RHBG: variants seen among roughly 807,000 people sequenced by gnomAD.
The protein encoded by RHBG is ammonium transporter Rh type B.
A neutral mutation model predicts 40.1 loss-of-function variants in RHBG; 39 were observed. The observed-to-expected ratio is 0.97, with a 90% CI of 0.75 to 1.27. The LOEUF is 1.27. Ranked by LOEUF, RHBG falls within the 50% of genes most tolerant of loss-of-function variation. The pLI is 0.00. For missense variants in RHBG, 549 were observed against 588.1 expected, an observed-to-expected ratio of 0.93 and a Z score of 0.69; for synonymous variants, 237 against 252.5, an observed-to-expected ratio of 0.94 and a Z score of 0.58.
At chr1:156,374,090 A>T (rs1187448574) in intron 1 of RHBG, among the ~76,000 whole-genome samples, 4 of 152,128 alleles carry the variant, frequency 2.6e-5, no homozygotes, top group Admixed American at 1.3e-4. Context: ...AGGTGAGTGA[A>T]TGTTACTGCC....
At chr1:156,375,738 T>C (rs1667145046) in intron 1 of RHBG, among the ~76,000 whole-genome samples, 2 of 151,470 alleles carry the variant, frequency 1.3e-5, no homozygotes, top group African/African-American at 4.9e-5. Context: ...AATTTTTGTT[T>C]TCTTTTTCTT....
At chr1:156,374,735 C>T (rs1188567075) in intron 1 of RHBG, 25 of 298,186 alleles carry the variant, frequency 8.4e-5, no homozygotes, top group Admixed American at 1.5e-4. Flanking sequence ...TACAGGTACC[C>T]GCCACCACAC....
At position 156,377,099 on chromosome 1, in the gene RHBG, G is replaced by T. The variant is rs1037203849; in HGVS notation, c.188-202G>T. ...CTGACACGAGGACAGCAGGGATGTCGGGGTCCCACTGCTCCAAGCTGGCCA... is the reference window on the plus strand; with the variant it reads ...CTGACACGAGGACAGCAGGGATGTCTGGGTCCCACTGCTCCAAGCTGGCCA... On this transcript the variant is annotated intron_variant, in intron 1 of 9. Transcript: ENST00000537040. The surrounding 1 kb of genome is among the most constrained non-coding windows in gnomAD (Gnocchi z 4.6). Among the ~76,000 whole-genome samples the T allele has an allele frequency of 6.6e-6, 1 of 152,200 alleles. No homozygotes were observed. The highest frequency in any genetic ancestry group is 1.5e-5 in the Non-Finnish European group (1 of 68,014).
chr1:156,379,016 A>G (rs1444209444), intron 4 of RHBG, among the ~76,000 whole-genome samples: 1 of 145,684 alleles, frequency 6.9e-6, no homozygotes, highest in Non-Finnish European at 1.5e-5. Context: ...TTTTTTTGAG[A>G]CAGAGTCTTG....
At chr1:156,371,412 G>A (rs900403427) in intron 1 of RHBG, 9 of 302,176 alleles carry the variant, frequency 3.0e-5, no homozygotes, top group South Asian at 5.3e-5. Context: ...CACCCACCTC[G>A]GCCTCCCAAT....
chr1:156,377,865 T>G lies in RHBG; in HGVS notation c.375-125T>G, dbSNP rs1667323637. The G allele has an allele frequency of 2.2e-5, 23 of 1,038,542 alleles. No individual in the cohort carries two copies. Among genetic ancestry groups the G allele is most frequent in the Non-Finnish European group, 3.2e-5 (23 of 729,256 alleles). The allele number at this position is 1,038,542 out of a possible 1,614,324, so 64.3% of individuals were successfully genotyped here. A position where few individuals can be genotyped will look rare whatever the true frequency, so the allele number is the denominator to read the frequency against. On this transcript the variant is annotated intron_variant, in intron 2 of 9. Coordinates refer to ENST00000537040, the MANE Select transcript of RHBG (RefSeq NM_020407.5). This position sits in a 1 kb window ranked among gnomAD's most constrained non-coding sequence, Gnocchi z 4.6. The stretch of plus-strand genomic sequence containing the variant: ...CAGGGAGGAGCTTGAGCTCCTTGTC[T>G]TCTCTCCAGAACTCCAACCCCACCC...
intron 1 of RHBG, among the ~76,000 whole-genome samples, chr1:156,375,567 A>G (rs1667135532): frequency 6.6e-6 from 1 of 152,004 alleles, no homozygotes; most frequent in South Asian, 2.1e-4. Context: ...CCAGCTACTC[A>G]TGAGGCTGAG....
At chr1:156,379,082 C>T (rs750986311) in intron 4 of RHBG, among the ~76,000 whole-genome samples, 15 of 151,826 alleles carry the variant, frequency 9.9e-5, no homozygotes, top group Non-Finnish European at 1.5e-4. Context: ...ACAACCTCTG[C>T]CTCCTGGGTT....
At chr1:156,381,024 C>G (rs1005115668) in intron 4 of RHBG, among the ~76,000 whole-genome samples, 1 of 152,102 alleles carries the variant, frequency 6.6e-6, no homozygotes, top group Non-Finnish European at 1.5e-5. Flanking sequence ...CTCAGCCCCC[C>G]AAGTAGCTGG....
chr1:156,384,508 C>T lies in RHBG; in HGVS notation c.1235-19C>T. The T allele has an allele frequency of 6.2e-7, 1 of 1,611,878 alleles. No individual in the cohort carries two copies. Among genetic ancestry groups the T allele is most frequent in the Non-Finnish European group, 8.5e-7 (1 of 1,178,276 alleles). On this transcript the variant is annotated intron_variant, in intron 8 of 9. Coordinates refer to ENST00000537040, the MANE Select transcript of RHBG (RefSeq NM_020407.5). The stretch of plus-strand genomic sequence containing the variant: ...TGGGGGGCAGAGAAGCCTCACAGAT[C>T]CTCCCCTACCACCACCAGGGCTCCT...
At position 156,377,250 on chromosome 1, in the gene RHBG, G is replaced by T. The variant is rs1414250287; in HGVS notation, c.188-51G>T. 5 of 1,574,850 alleles carry T rather than the reference G, an allele frequency of 3.2e-6. No homozygotes were observed. In the South Asian group the frequency reaches 3.4e-5, roughly 11 times the overall value. ...GGCAGGGTAGCTGACTGGATTGTGGGCTATGGCTAGAGCAGCCCCCAAGTG... is the reference window on the plus strand; with the variant it reads ...GGCAGGGTAGCTGACTGGATTGTGGTCTATGGCTAGAGCAGCCCCCAAGTG... On this transcript the variant is annotated intron_variant, in intron 1 of 9. Transcript: ENST00000537040. This position sits in a 1 kb window ranked among gnomAD's most constrained non-coding sequence, Gnocchi z 4.6.
intron 1 of RHBG, chr1:156,371,164 C>CTTTT: frequency 7.7e-6 from 3 of 388,760 alleles, no homozygotes; most frequent in Non-Finnish European, 9.9e-6. Context: ...TATTTTCTTT[C>CTTTT]TTTTTTTTTT....
At chr1:156,383,007 C>T (rs974380819) in intron 8 of RHBG, 138 bp downstream of exon 8, 3 of 1,211,864 alleles carry the variant, frequency 2.5e-6, no homozygotes, top group Non-Finnish European at 3.5e-6. Context: ...AAGGGGTAAC[C>T]AACCTCCTGC....
intron 4 of RHBG, 151 bp downstream of exon 4, chr1:156,378,550 C>T (rs746783528): frequency 6.0e-5 from 52 of 860,014 alleles, no homozygotes; most frequent in Admixed American, 2.9e-4. Context: ...GCTCTGGGAC[C>T]TGCCTGCACT....
At chr1:156,376,642 G>A (rs974094181) in intron 1 of RHBG, among the ~76,000 whole-genome samples, 2 of 152,152 alleles carry the variant, frequency 1.3e-5, no homozygotes, top group Non-Finnish European at 2.9e-5. Context: ...GGGATTACAG[G>A]TGTGAGTTAC....
intron 7 of RHBG, 49 bp downstream of exon 7, chr1:156,382,250 C>G: frequency 1.2e-6 from 2 of 1,611,462 alleles, no homozygotes; most frequent in Non-Finnish European, 1.7e-6. Context: ...TCTGGAATGA[C>G]CTCTGTCATT....
chr1:156,378,494 C>G, intron 4 of RHBG, 95 bp downstream of exon 4: 12 of 1,441,184 alleles, frequency 8.3e-6, no homozygotes, highest in Non-Finnish European at 1.1e-5. Context: ...TGACTGCAGT[C>G]CTGGGGTTGT....
rs185893223 is a variant in RHBG, at chr1:156,384,838, A to G, written c.1370A>G (p.Gln457Arg). 3.7e-5 allele frequency: 60 copies of G among 1,609,904 alleles called. No individual in the cohort carries two copies. The Admixed American group carries it at 9.7e-4, about 26-fold the overall frequency. ...CTGAGGGTGGAGGAGGCAGACACTC[A>G]GGCCTAACCCACTGCCAGCCCCTGA... is the stretch of plus-strand genomic sequence containing the variant. The part of the protein sequence containing the change: ...RPLRVEEADT[Q>R]A Residue 457 changes from glutamine (Q) to arginine (R), a missense_variant, in exon 10 of 10, where the codon CAG (glutamine) becomes CGG (arginine). Transcript: ENST00000537040.
At chr1:156,381,781 C>T in intron 5 of RHBG, 25 bp from the exon 6 acceptor site, 1 of 1,571,566 alleles carries the variant, frequency 6.4e-7, no homozygotes, top group Non-Finnish European at 8.6e-7. Context: ...CTGAAAGGGC[C>T]TCCAACACCT....
Sources: gnomAD v4.1 joint callset for allele counts (sites outside exome capture counted in the v4.1 genomes callset) on GRCh38, gnomAD v4.1.1 for gene constraint, Gnocchi (gnomAD v3.1) non-coding constraint, MANE v1.5 for transcripts, NCBI Gene and HGNC (gene_info 2026-07-23, HGNC 2026-07-21) for gene names.